The following PRH1 variants were observed in gnomAD, a reference collection of about 807,000 sequenced individuals.
The protein encoded by PRH1 is proline rich protein HaeIII subfamily 1.
A neutral mutation model predicts 7.9 loss-of-function variants in PRH1; 7 were observed. The ratio of observed to expected loss-of-function variants is 0.89; its 90% CI spans 0.50 to 1.67. The LOEUF is 1.67. Among genes scored for constraint, PRH1 ranks in the 40% most tolerant of loss-of-function variants. The pLI is 0.00. For missense variants in PRH1, 109 were observed against 223.6 expected, an observed-to-expected ratio of 0.49 and a Z score of 3.27; for synonymous variants, 45 against 80.8, an observed-to-expected ratio of 0.56 and a Z score of 2.38.
chr12:10,897,685 A>C (rs767802007), intron 2 of PRH1, among the ~76,000 whole-genome samples: 14 of 152,182 alleles, frequency 9.2e-5, no homozygotes, highest in Admixed American at 3.9e-4. Context: ...ACATCTTCAC[A>C]TGGTTGGAGC....
intron 1 of PRH1, among the ~76,000 whole-genome samples, chr12:11,121,378 T>A (rs774601689): frequency 8.5e-5 from 12 of 141,024 alleles, no homozygotes; most frequent in Non-Finnish European, 1.4e-4. Context: ...GAGTTTTTTT[T>A]AAGAGAAGGA....
chr12:10,922,251 C>T lies in PRH1; in HGVS notation c.-58-37976G>A, dbSNP rs74892314. 6.1e-3 allele frequency among the ~76,000 whole-genome samples: 922 copies of T among 152,276 alleles called. 17 individuals carry two copies. The highest frequency in any genetic ancestry group is 0.021 in the African/African-American group (880 of 41,556). ...TTTTTCTGTTGTTCATTTTTCTTAACTGAAGGTGAATATGTGCCTCATTCA... is the reference window on the plus strand; with the variant it reads ...TTTTTCTGTTGTTCATTTTTCTTAATTGAAGGTGAATATGTGCCTCATTCA... On this transcript the variant is annotated intron_variant, in intron 2 of 3. Transcript: ENST00000539853.
chr12:11,098,010 C>T lies in PRH1; in HGVS notation n.124-50822G>A, dbSNP rs1349960814. ...ACATTTTAAAATTCGATAAGAAACA[C>T]GACCTCCAACAATTAGGATTCTATT... On this transcript the variant is annotated intron_variant and non_coding_transcript_variant, in intron 1 of 4. Transcript: ENST00000541977. Among the ~76,000 whole-genome samples the T allele has an allele frequency of 6.1e-5, 5 of 82,050 alleles. 2 individuals carry two copies. Among genetic ancestry groups the T allele is most frequent in the Non-Finnish European group, 1.3e-4 (4 of 31,266 alleles). The allele number at this position is 82,050 out of a possible 152,430, so 53.8% of individuals were successfully genotyped here.
Position 11,058,907 on chromosome 12 carries a change from A to T in PRH1, n.124-11719T>A, listed in dbSNP as rs1018390807. Among the ~76,000 whole-genome samples, 12 of 152,280 alleles carry T rather than the reference A, an allele frequency of 7.9e-5. No homozygotes were observed. The South Asian group carries it at 1.0e-3, about 13-fold the overall frequency. On this transcript the variant is annotated intron_variant and non_coding_transcript_variant, in intron 1 of 4. Coordinates refer to the PRH1 transcript ENST00000541977. ...CAAAGAGTGGTGGTATTGGACACAG[A>T]CATGTGCTTTCTTAGATTCCCTTCA...
chr12:10,967,829 C>G (rs1938582640), intron 2 of PRH1, among the ~76,000 whole-genome samples: 1 of 152,170 alleles, frequency 6.6e-6, no homozygotes, highest in South Asian at 2.1e-4. Flanking sequence ...AAATGGGGCT[C>G]TTTGCCTTCA....
chr12:10,882,150 T>C (rs141280947), intron 3 of PRH1, 67 bp downstream of exon 3: 11 of 1,595,516 alleles, frequency 6.9e-6, no homozygotes, highest in African/African-American at 5.4e-5. Flanking sequence ...AGAGGATTCA[T>C]TGGCACAATG....
chr12:11,022,769 A>C (rs1357990821), intron 1 of PRH1: 4 of 559,722 alleles, frequency 7.1e-6, no homozygotes, highest in Non-Finnish European at 1.3e-5. Context: ...AGAAATAGAA[A>C]AGGTCATTAT....
intron 1 of PRH1, among the ~76,000 whole-genome samples, chr12:11,081,789 C>G (rs887629287): frequency 8.6e-6 from 1 of 116,408 alleles, no homozygotes; most frequent in Admixed American, 8.6e-5. Context: ...TTCATCATTA[C>G]CTAAGTGAAA....
chr12:10,997,583 A>G, intron 1 of PRH1: 2 of 1,614,128 alleles, frequency 1.2e-6, no homozygotes, highest in Non-Finnish European at 1.7e-6. Flanking sequence ...GCTAGTAGCA[A>G]GCCAGATGCT....
intron 2 of PRH1, among the ~76,000 whole-genome samples, chr12:10,945,513 G>A (rs971088880): frequency 2.0e-5 from 3 of 152,228 alleles, no homozygotes; most frequent in South Asian, 2.1e-4. Context: ...CAAATAGGGT[G>A]TGGGTCACAG....
At chr12:11,168,274 AAG>A (rs1947666825) in intron 1 of PRH1, among the ~76,000 whole-genome samples, 1 of 50,978 alleles carries the variant, frequency 2.0e-5, no homozygotes, top group Non-Finnish European at 5.0e-5. Context: ...GAAAGAAAGA[AAG>A]AAAGAAAGAA....
chr12:11,032,456 T>C (rs1942267692), intron 1 of PRH1, among the ~76,000 whole-genome samples: 1 of 152,176 alleles, frequency 6.6e-6, no homozygotes, highest in Admixed American at 6.6e-5. Context: ...CTGCTAACAC[T>C]TTCGTATAAC....
chr12:11,134,838 A>C (rs774855850), intron 1 of PRH1, among the ~76,000 whole-genome samples: 1 of 152,168 alleles, frequency 6.6e-6, no homozygotes, highest in Non-Finnish European at 1.5e-5. Context: ...AGGCAGGCCA[A>C]TACTCCATAA....
At chr12:10,953,215 A>G (rs1034837228) in intron 2 of PRH1, among the ~76,000 whole-genome samples, 1 of 152,166 alleles carries the variant, frequency 6.6e-6, no homozygotes, top group African/African-American at 2.4e-5. Flanking sequence ...TGGCAACTCA[A>G]AAAGCCAGAG....
chr12:11,156,623 AATTG>A (rs774922529), intron 1 of PRH1, among the ~76,000 whole-genome samples: 1 of 152,138 alleles, frequency 6.6e-6, no homozygotes, highest in East Asian at 1.9e-4. Flanking sequence ...TGTTAAATCT[AATTG>A]ATTGTTAAAT....
intron 1 of PRH1, among the ~76,000 whole-genome samples, chr12:11,004,026 G>A (rs941539681): frequency 6.7e-6 from 1 of 150,318 alleles, no homozygotes; most frequent in Non-Finnish European, 1.5e-5. Context: ...TCTGATATGA[G>A]TGCAAATCCT....
chr12:10,940,543 C>A (rs1950382455), intron 2 of PRH1, among the ~76,000 whole-genome samples: 1 of 147,588 alleles, frequency 6.8e-6, no homozygotes, highest in African/African-American at 2.5e-5. Flanking sequence ...CTCTCCCCTG[C>A]CCAGTAGGGC....
intron 2 of PRH1, among the ~76,000 whole-genome samples, chr12:10,936,465 A>G (rs1950289939): frequency 1.3e-5 from 2 of 152,228 alleles, no homozygotes; most frequent in East Asian, 3.9e-4. Flanking sequence ...TGAGTGTCTC[A>G]CCATGTGATA....
At chr12:11,161,968 G>A (rs1220549002) in intron 1 of PRH1, among the ~76,000 whole-genome samples, 2 of 152,196 alleles carry the variant, frequency 1.3e-5, no homozygotes, top group African/African-American at 2.4e-5. Context: ...ATATGTTGCT[G>A]AGGATATTGC....
Sources: allele counts gnomAD v4.1 joint callset (sites outside exome capture counted in the v4.1 genomes callset), GRCh38; gene constraint gnomAD v4.1.1; transcripts MANE v1.5; gene names NCBI Gene and HGNC (gene_info 2026-07-23, HGNC 2026-07-21).